NCOR2: variants seen among roughly 807,000 people sequenced by gnomAD.
The protein encoded by NCOR2 is CTG repeat protein 26.
A neutral mutation model predicts 262.9 loss-of-function variants in NCOR2; 81 were observed. The ratio of observed to expected loss-of-function variants is 0.31; its 90% CI spans 0.26 to 0.37. NCOR2 has a LOEUF of 0.37. Among genes scored for constraint, NCOR2 ranks in the 10% least tolerant of loss-of-function variants. NCOR2 has a pLI of 1.00. For missense variants in NCOR2, 3,385 were observed against 3,621.4 expected (o/e 0.93, Z 1.68); for synonymous variants, 1,659 against 1,559.3 (o/e 1.06, Z -1.51).
At chr12:124,427,308 G>A (rs930592959) in intron 10 of NCOR2, among the ~76,000 whole-genome samples, 3 of 151,952 alleles carry the variant, frequency 2.0e-5, no homozygotes, top group Non-Finnish European at 2.9e-5. Flanking sequence ...GCCCCCTCCC[G>A]GCACCCCGCT....
intron 14 of NCOR2, 76 bp downstream of exon 16, chr12:124,402,328 A>G (rs978228942): frequency 8.8e-6 from 14 of 1,590,130 alleles, no homozygotes; most frequent in South Asian, 2.3e-5. Context: ...CGTCTCTACA[A>G]AGGGTCCCCC....
upstream of NCOR2, among the ~76,000 whole-genome samples, chr12:124,536,353 C>T (rs2051113730): frequency 6.6e-6 from 1 of 152,200 alleles, no homozygotes; most frequent in Non-Finnish European, 1.5e-5. Flanking sequence ...GCTAGGATTA[C>T]AGGTGCGAGC....
intron 1 of NCOR2, among the ~76,000 whole-genome samples, chr12:124,489,408 G>A (rs56159774): frequency 1.3e-5 from 2 of 152,234 alleles, no homozygotes; most frequent in African/African-American, 2.4e-5. Flanking sequence ...CAGAGGCACA[G>A]AGAGGGTAAG....
At chr12:124,521,068 C>T (rs1049336428) in intron 1 of NCOR2, among the ~76,000 whole-genome samples, 22 of 152,184 alleles carry the variant, frequency 1.4e-4, no homozygotes, top group Non-Finnish European at 2.6e-4. Flanking sequence ...CTGCCTCTCT[C>T]GCAACCCAGG....
intron 16 of NCOR2, among the ~76,000 whole-genome samples, chr12:124,395,509 G>A (rs887897321): frequency 1.3e-5 from 2 of 152,334 alleles, no homozygotes; most frequent in South Asian, 2.1e-4. Flanking sequence ...GCTCACTGCC[G>A]TCTCCATGGG....
chr12:124,354,062 C>T (rs778766864), intron 27 of NCOR2, 31 bp downstream of exon 29: 9 of 1,586,008 alleles, frequency 5.7e-6, no homozygotes, highest in Admixed American at 3.4e-5. Flanking sequence ...TGGTCCCAAC[C>T]GTCCTTCCTG....
At chr12:124,495,357 C>T (rs966150705), upstream of NCOR2, 8 of 1,448,230 alleles carry the variant, frequency 5.5e-6, no homozygotes, top group East Asian at 5.1e-5. The surrounding 1 kb of genome is among the most constrained non-coding windows in gnomAD (Gnocchi z 4.4). Context: ...CGGGCCACCC[C>T]GTCACTGGCA....
At chr12:124,350,469 C>G in intron 28 of NCOR2, 118 bp downstream of exon 30, 1 of 1,364,602 alleles carries the variant, frequency 7.3e-7, no homozygotes, top group Non-Finnish European at 1.0e-6. Flanking sequence ...AAGGAGGTCA[C>G]CACCTATCAG....
At chr12:124,369,412 G>A (rs2136008747) in intron 20 of NCOR2, among the ~76,000 whole-genome samples, 1 of 152,272 alleles carries the variant, frequency 6.6e-6, no homozygotes, top group Middle Eastern at 3.4e-3. Context: ...CCCCCACTGG[G>A]GCTGCCAGGC....
intron 6 of NCOR2, among the ~76,000 whole-genome samples, chr12:124,453,281 TC>T (rs2045656601): frequency 6.6e-6 from 1 of 152,088 alleles, no homozygotes; most frequent in Non-Finnish European, 1.5e-5. Flanking sequence ...CTGGCCCCTG[TC>T]CCTCACCCCC....
At chr12:124,388,774 C>A in intron 16 of NCOR2, 1 of 1,303,740 alleles carries the variant, frequency 7.7e-7, no homozygotes, top group Non-Finnish European at 1.0e-6. Flanking sequence ...AGTGGGCCGG[C>A]AGGCTGGGCG....
At chr12:124,538,032 G>A (rs58908973), upstream of NCOR2, 13,175 of 152,160 alleles carry the variant, frequency 0.087, 681 homozygotes, top group African/African-American at 0.13. Context: ...AGCACGTCCC[G>A]TCACAGGCTA....
At position 124,549,695 on chromosome 12, in the gene NCOR2, C is replaced by T. The variant is rs2051652729; in HGVS notation, c.-164-14084G>A. Among the ~76,000 whole-genome samples, 1 of 152,174 alleles carries T rather than the reference C, an allele frequency of 6.6e-6. No individual in the cohort carries two copies. Among genetic ancestry groups the T allele is most frequent in the African/African-American group, 2.4e-5 (1 of 41,436 alleles). On this transcript the variant is annotated intron_variant, in intron 1 of 32. Coordinates refer to the NCOR2 transcript ENST00000458234. The surrounding 1 kb of genome is among the most constrained non-coding windows in gnomAD (Gnocchi z 4.4). ...TTCTCCAGATGGGGAAACCGAGGCC[C>T]AGAAAGAAAACAGCCCGCCTGAAGG...
At chr12:124,398,492 G>A (rs2041817223) in intron 15 of NCOR2, among the ~76,000 whole-genome samples, 1 of 152,200 alleles carries the variant, frequency 6.6e-6, no homozygotes, top group Non-Finnish European at 1.5e-5. Flanking sequence ...TTTTATAGAA[G>A]GGGACACTGA....
At chr12:124,464,376 G>A (rs2046326013) in intron 5 of NCOR2, among the ~76,000 whole-genome samples, 1 of 152,212 alleles carries the variant, frequency 6.6e-6, no homozygotes, top group Non-Finnish European at 1.5e-5. Flanking sequence ...AGGGCAGGTA[G>A]AGGTGACACT....
chr12:124,393,722 C>T (rs1053520768), intron 16 of NCOR2, among the ~76,000 whole-genome samples: 1 of 152,250 alleles, frequency 6.6e-6, no homozygotes, highest in Non-Finnish European at 1.5e-5. Flanking sequence ...AGCTGTGTGA[C>T]CCTAGGCTGC....
rs565052467 is a variant in NCOR2 at position 124,345,829 on chromosome 12, C to T, written c.4359+735G>A. Among the ~76,000 whole-genome samples, 12 of 152,310 alleles carry T rather than the reference C, an allele frequency of 7.9e-5. No individual in the cohort carries two copies. The South Asian group carries it at 2.1e-3, about 26-fold the overall frequency. On this transcript the variant is annotated intron_variant, in intron 31 of 46. Coordinates refer to ENST00000405201, the Ensembl canonical transcript of NCOR2. ...CCCGGGACACCCACCCCAGTCCTTC[C>T]GCCTCACAGCCCCACAGCCCCGTGG... is the stretch of plus-strand genomic sequence containing the variant.
chr12:124,339,220 C>A (rs56374933), intron 37 of NCOR2, among the ~76,000 whole-genome samples: 25,533 of 74,544 alleles, frequency 0.34, 4,987 homozygotes, highest in East Asian at 0.57. Context: ...CTACCTACCA[C>A]CCACCCACCC....
intron 1 of NCOR2, among the ~76,000 whole-genome samples, chr12:124,528,689 T>C (rs35674552): frequency 0.1 from 15,965 of 152,240 alleles, 2,323 homozygotes; most frequent in African/African-American, 0.33. Flanking sequence ...AAGGTGGTCC[T>C]GGCCCCAACC....
Sources: allele counts gnomAD v4.1 joint callset (sites outside exome capture counted in the v4.1 genomes callset), GRCh38; gene constraint gnomAD v4.1.1; non-coding constraint Gnocchi (gnomAD v3.1); transcripts MANE v1.5; gene names NCBI Gene and HGNC (gene_info 2026-07-23, HGNC 2026-07-21).